KIRREL1: variants seen among roughly 807,000 people sequenced by gnomAD.
KIRREL1 encodes the protein kirre like nephrin family adhesion molecule 1.
In KIRREL1, 25 loss-of-function variants were observed where a neutral mutation model predicts 83.3. That is an observed-to-expected ratio of 0.30 (90% CI 0.22 to 0.42). KIRREL1 has a LOEUF of 0.42. Ranked by LOEUF, KIRREL1 falls within the 10% of genes least tolerant of loss-of-function variation. KIRREL1 has a pLI of 1.00. For synonymous variants in KIRREL1, 388 were observed against 410.4 expected, an observed-to-expected ratio of 0.95 and a Z score of 0.66; for missense variants, 812 against 1,032.3, an observed-to-expected ratio of 0.79 and a Z score of 2.92.
chr1:158,058,849 C>T (rs1661135923), intron 1 of KIRREL1, among the ~76,000 whole-genome samples: 1 of 152,096 alleles, frequency 6.6e-6, no homozygotes, highest in African/African-American at 2.4e-5. Flanking sequence ...CATCCATCAC[C>T]CATCCTGATA....
chr1:158,032,950 T>C (rs941573439), intron 1 of KIRREL1, among the ~76,000 whole-genome samples: 1 of 152,152 alleles, frequency 6.6e-6, no homozygotes, highest in African/African-American at 2.4e-5. Context: ...TTTGTATTTT[T>C]AGTAGAGACG....
At chr1:158,046,514 G>A (rs892359898) in intron 1 of KIRREL1, among the ~76,000 whole-genome samples, 3 of 152,150 alleles carry the variant, frequency 2.0e-5, no homozygotes, top group South Asian at 4.1e-4. Flanking sequence ...TCAAGTTAGA[G>A]ATGATGTTTA....
intron 3 of KIRREL1, among the ~76,000 whole-genome samples, chr1:158,081,957 T>C (rs1351165687): frequency 1.3e-5 from 2 of 152,156 alleles, no homozygotes; most frequent in Non-Finnish European, 2.9e-5. Context: ...ATCTTCCTCC[T>C]GGGTGTGGCA....
chr1:158,018,994 C>T (rs1314335702), intron 1 of KIRREL1, among the ~76,000 whole-genome samples: 1 of 152,190 alleles, frequency 6.6e-6, no homozygotes, highest in African/African-American at 2.4e-5. Flanking sequence ...GAACACCTTC[C>T]CTACTTCCCT....
At position 158,094,458 on chromosome 1, in the gene KIRREL1, G is replaced by C; in HGVS notation, c.1797+68G>C. 6.7e-7 allele frequency: 1 copy of C among 1,490,574 alleles called. No homozygotes were observed. 92.3% of individuals were successfully genotyped at this position (1,490,574 alleles called of 1,614,324 possible). ...CAGTGGGTTTCTGAGGTCCTGTAGC[G>C]GGGAGGTGAGGTGAGGACAGACTTG... On this transcript the variant is annotated intron_variant, in intron 14 of 14. Coordinates refer to ENST00000359209, the MANE Select transcript of KIRREL1 (RefSeq NM_018240.7). The surrounding 1 kb of genome is among the most constrained non-coding windows in gnomAD (Gnocchi z 4.6).
chr1:158,088,516 G>A (rs571153189), intron 8 of KIRREL1, 62 bp downstream of exon 8: 22 of 1,352,512 alleles, frequency 1.6e-5, no homozygotes, highest in Admixed American at 1.1e-4. Context: ...ACGGAGTCTC[G>A]CTCTGTCGCC....
Position 158,036,348 on chromosome 1 carries a change from G to A in KIRREL1, c.53-39765G>A, listed in dbSNP as rs1291440855. On this transcript the variant is annotated intron_variant, in intron 1 of 14. Transcript: ENST00000359209. ...ACAGATCAGCTGGAGGTGCTGGGCA[G>A]TGATAGACAGTTTAGGTGGCTTAGG... Among the ~76,000 whole-genome samples, 3 of 152,208 alleles carry A rather than the reference G, an allele frequency of 2.0e-5. No homozygotes were observed. In the East Asian group the frequency reaches 5.8e-4, roughly 29 times the overall value.
At chr1:158,009,308 C>A (rs1659606027) in intron 1 of KIRREL1, among the ~76,000 whole-genome samples, 1 of 152,176 alleles carries the variant, frequency 6.6e-6, no homozygotes, top group Non-Finnish European at 1.5e-5. Flanking sequence ...TGAGGTGGAT[C>A]CTACTTCTTT....
At position 158,091,453 on chromosome 1, in the gene KIRREL1, C is replaced by T. The variant is rs199614618; in HGVS notation, c.1368C>T (p.Leu456=). 1.2e-5 allele frequency: 19 copies of T among 1,614,202 alleles called. No individual in the cohort carries two copies. In the Admixed American group the frequency reaches 2.5e-4, roughly 21 times the overall value. ...CAGGCAGTGGGGTGCTATCCACGCT[C>T]ACCATCAACAATGTCATGGAGGCCG... ...TNSGSGVLST[L]TINNVMEADF... Residue 456 remains leucine (L), a synonymous_variant, in exon 11 of 15, where the codon CTC becomes CTT. Coordinates refer to ENST00000359209, the MANE Select transcript of KIRREL1 (RefSeq NM_018240.7).
At chr1:158,058,914 G>A (rs1374524973) in intron 1 of KIRREL1, among the ~76,000 whole-genome samples, 4 of 152,144 alleles carry the variant, frequency 2.6e-5, no homozygotes, top group African/African-American at 4.8e-5. Context: ...TCTCCCAGAC[G>A]CCGCAGCCGA....
Position 158,088,562 on chromosome 1 carries a change from G to A in KIRREL1, c.1044+108G>A, listed in dbSNP as rs535174120. 3.5e-5 allele frequency: 33 copies of A among 930,706 alleles called. No homozygotes were observed. In the African/African-American group the frequency reaches 5.4e-4, roughly 15 times the overall value. 57.7% of individuals were successfully genotyped at this position (930,706 alleles called of 1,614,324 possible). ...TGCAGTGGCGCGATCTCGGCTCACT[G>A]CAAGCTCCGCCTCCCGGGTTCACGC... On this transcript the variant is annotated intron_variant, in intron 8 of 14. Coordinates refer to ENST00000359209, the MANE Select transcript of KIRREL1 (RefSeq NM_018240.7).
intron 1 of KIRREL1, among the ~76,000 whole-genome samples, chr1:158,024,251 G>C (rs7530591): frequency 0.1 from 14,700 of 145,948 alleles, 1,024 homozygotes; most frequent in South Asian, 0.22. Context: ...GCCCGGCCTG[G>C]TTTTGTTGTT....
chr1:158,055,172 G>T (rs1035303763), intron 1 of KIRREL1, among the ~76,000 whole-genome samples: 5 of 152,058 alleles, frequency 3.3e-5, no homozygotes, highest in African/African-American at 1.2e-4. Flanking sequence ...GCCTGGGGTT[G>T]CCTAGCTTAT....
intron 1 of KIRREL1, among the ~76,000 whole-genome samples, chr1:158,026,494 G>A (rs1008130691): frequency 3.3e-5 from 5 of 152,126 alleles, no homozygotes; most frequent in African/African-American, 1.2e-4. Context: ...GACGCTATGT[G>A]GAAAAGTGGA....
chr1:158,015,182 G>C (rs1304006980), intron 1 of KIRREL1, among the ~76,000 whole-genome samples: 1 of 152,144 alleles, frequency 6.6e-6, no homozygotes, highest in Non-Finnish European at 1.5e-5. Context: ...ATAATCTTTT[G>C]AGTCCTGCCA....
At position 158,094,858 on chromosome 1, in the gene KIRREL1, C is replaced by T. The variant is rs533023689; in HGVS notation, c.2012C>T (p.Ala671Val). The change falls in exon 15 of 15, where the codon GCT becomes GTT. Residue 671 changes from alanine to valine, a missense_variant. By Grantham distance (64) the Ala-to-Val change is moderately conservative. Around this residue, in one of 3 missense-constraint regions of KIRREL1, gnomAD observed 334 missense variants for 383.7 expected, o/e 0.87. Transcript: ENST00000359209. The surrounding 1 kb of genome is among the most constrained non-coding windows in gnomAD (Gnocchi z 4.6). ...CCTGAGCCCACACCCCCTGGCCCTG[C>T]TGCCCCAGCTGGCACTGACACAACC... is the stretch of plus-strand genomic sequence containing the variant. Reference protein sequence around the residue: ...YGPEPTPPGPAAPAGTDTTSQ... With the variant: ...YGPEPTPPGPVAPAGTDTTSQ... The T allele has an allele frequency of 6.2e-6, 10 of 1,613,964 alleles. No individual in the cohort carries two copies. The highest frequency in any genetic ancestry group is 5.1e-6 in the Non-Finnish European group (6 of 1,179,926).
chr1:158,047,587 G>A (rs534239519), intron 1 of KIRREL1, among the ~76,000 whole-genome samples: 75 of 152,246 alleles, frequency 4.9e-4, no homozygotes, highest in South Asian at 4.4e-3. Context: ...ATATATGGGC[G>A]GTGCTTTATC....
rs1469132419 is a variant in KIRREL1 at position 158,016,309 on chromosome 1, A to T, written c.52+22581A>T. Among the ~76,000 whole-genome samples, 4 of 152,292 alleles carry T rather than the reference A, an allele frequency of 2.6e-5. No individual in the cohort carries two copies. In the East Asian group the frequency reaches 7.7e-4, roughly 29 times the overall value. On this transcript the variant is annotated intron_variant, in intron 1 of 14. Transcript: ENST00000359209. The stretch of plus-strand genomic sequence containing the variant: ...ACAGAGCGAGACTCTGTCTCAAAAA[A>T]AAAAAAGAAAGCAAAGAAAATGTCA...
intron 1 of KIRREL1, among the ~76,000 whole-genome samples, chr1:158,035,366 T>A (rs1421145450): frequency 2.6e-5 from 4 of 151,862 alleles, no homozygotes; most frequent in East Asian, 3.9e-4. Context: ...GACTGCAGAG[T>A]TTTTTCCCCA....
Sources: allele counts gnomAD v4.1 joint callset (sites outside exome capture counted in the v4.1 genomes callset), GRCh38; gene constraint gnomAD v4.1.1; regional missense constraint gnomAD v4.1.1; non-coding constraint Gnocchi (gnomAD v3.1); transcripts MANE v1.5; gene names NCBI Gene and HGNC (gene_info 2026-07-23, HGNC 2026-07-21).